DEUP1: variants seen among roughly 807,000 people sequenced by gnomAD.
DEUP1 encodes the protein coiled-coil domain containing 67.
A neutral mutation model predicts 87.4 loss-of-function variants in DEUP1; 82 were observed. The observed-to-expected ratio is 0.94, with a 90% confidence interval of 0.78 to 1.13. The LOEUF (loss-of-function observed/expected upper bound fraction) is 1.13. DEUP1 is among the 50% of genes most tolerant of loss of function. The pLI, the probability that DEUP1 is intolerant of heterozygous loss-of-function variation, is 0.00. For synonymous variants in DEUP1, 214 were observed against 222.7 expected (o/e 0.96, Z 0.35); for missense variants, 663 against 681.5 (o/e 0.97, Z 0.30).
intron 13 of DEUP1, among the ~76,000 whole-genome samples, chr11:93,420,235 C>T (rs1456372102): frequency 3.3e-5 from 5 of 152,118 alleles, no homozygotes; most frequent in Non-Finnish European, 7.4e-5. Context: ...TGGGCTTCAT[C>T]CCTGGGATGC....
At chr11:93,332,729 A>G (rs1943553326) in intron 2 of DEUP1, among the ~76,000 whole-genome samples, 1 of 152,254 alleles carries the variant, frequency 6.6e-6, no homozygotes, top group African/African-American at 2.4e-5. Context: ...ATCAAGAACT[A>G]GATATCTTAC....
intron 12 of DEUP1, among the ~76,000 whole-genome samples, chr11:93,410,472 T>C (rs1947403973): frequency 6.6e-6 from 1 of 152,290 alleles, no homozygotes; most frequent in African/African-American, 2.4e-5. Context: ...CTTTACAGAG[T>C]ACTTATGGAT....
chr11:93,431,982 A>G (rs1948120243), intron 13 of DEUP1, among the ~76,000 whole-genome samples: 1 of 152,250 alleles, frequency 6.6e-6, no homozygotes, highest in Non-Finnish European at 1.5e-5. Context: ...TAGACATTAA[A>G]TAGTCAATAG....
rs1307793220 is a variant in DEUP1, at chr11:93,415,801, T to C, written c.1638+687T>C. 2.0e-5 allele frequency among the ~76,000 whole-genome samples: 3 copies of C among 152,252 alleles called. No homozygotes were observed. The East Asian group carries it at 5.8e-4, about 29-fold the overall frequency. ...TAGATTGATCATCACCCATATTGTT[T>C]TATACAGCTGTAGTTTATTTTTGTT... On this transcript the variant is annotated intron_variant, in intron 13 of 13. Coordinates refer to ENST00000298050, the MANE Select transcript of DEUP1 (RefSeq NM_181645.4).
intron 7 of DEUP1, among the ~76,000 whole-genome samples, chr11:93,382,494 ACT>A (rs1471876774): frequency 5.3e-5 from 8 of 152,022 alleles, no homozygotes; most frequent in African/African-American, 1.9e-4. Context: ...TCCAAATTTC[ACT>A]CTTACAGATA....
At chr11:93,340,996 C>T (rs1360880607) in intron 2 of DEUP1, among the ~76,000 whole-genome samples, 1 of 152,092 alleles carries the variant, frequency 6.6e-6, no homozygotes. Flanking sequence ...ATCTGCCTTC[C>T]AAGAAGGAAG....
upstream of DEUP1, chr11:93,330,739 C>T (rs1943428261): frequency 6.6e-6 from 1 of 152,658 alleles, no homozygotes; most frequent in African/African-American, 2.4e-5. Flanking sequence ...GCGCCCTCGC[C>T]TCAGACCTCT....
intron 9 of DEUP1, among the ~76,000 whole-genome samples, chr11:93,391,328 A>T (rs1946759261): frequency 6.6e-6 from 1 of 152,166 alleles, no homozygotes; most frequent in Non-Finnish European, 1.5e-5. Context: ...GCAGTATAGT[A>T]TGTTGTGTTA....
rs1948302842 is a variant in DEUP1 at position 93,438,362 on chromosome 11, T to C, written c.*643T>C. The stretch of plus-strand genomic sequence containing the variant: ...ATTAACGCTTTTTTGTTAGTACTAA[T>C]TACTTCATGGACACAAACAAGATAA... On this transcript the variant is annotated 3_prime_UTR_variant, in exon 14 of 14. Transcript: ENST00000298050. 6.6e-6 allele frequency: 1 copy of C among 152,152 alleles called. No homozygotes were observed. Among genetic ancestry groups the C allele is most frequent in the Non-Finnish European group, 1.5e-5 (1 of 68,022 alleles). The allele number at this position is 152,152 out of a possible 1,614,324, so 9.4% of individuals were successfully genotyped here.
intron 10 of DEUP1, among the ~76,000 whole-genome samples, chr11:93,394,983 A>T (rs1946893670): frequency 6.6e-6 from 1 of 152,076 alleles, no homozygotes; most frequent in Non-Finnish European, 1.5e-5. Context: ...TTTCTCTTCC[A>T]TTAACATTTT....
chr11:93,416,051 C>A (rs894121956), intron 13 of DEUP1, among the ~76,000 whole-genome samples: 3 of 152,088 alleles, frequency 2.0e-5, no homozygotes, highest in Non-Finnish European at 4.4e-5. Flanking sequence ...TGAATATGGT[C>A]AGCTTTAGTA....
Position 93,415,036 on chromosome 11 carries a change from G to A in DEUP1, c.1560G>A (p.Met520Ile), listed in dbSNP as rs930535744. The A allele has an allele frequency of 3.1e-6, 5 of 1,599,684 alleles. No homozygotes were observed. The highest frequency in any genetic ancestry group is 1.4e-5 in the African/African-American group (1 of 73,828). Residue 520 changes from methionine (M) to isoleucine (I), a missense_variant, in exon 13 of 14, where the codon ATG becomes ATA. By Grantham distance (10) the Met-to-Ile change is conservative. Transcript: ENST00000298050. ...SHDCEPNRST[M>I]PPLPPSTFQA... is the part of the protein sequence containing the mutation. ...ACTGTGAGCCAAACAGAAGTACAATGCCTCCCTTGCCACCTTCGACATTTC... is the reference window on the plus strand; with the variant it reads ...ACTGTGAGCCAAACAGAAGTACAATACCTCCCTTGCCACCTTCGACATTTC...
upstream of DEUP1, chr11:93,330,624 T>C (rs922822872): frequency 2.0e-5 from 3 of 152,538 alleles, no homozygotes; most frequent in African/African-American, 7.3e-5. Context: ...CCCAACTGCC[T>C]CGTTGGTCGC....
At chr11:93,395,528 G>C (rs1946916414) in intron 10 of DEUP1, among the ~76,000 whole-genome samples, 2 of 152,114 alleles carry the variant, frequency 1.3e-5, no homozygotes, top group South Asian at 2.1e-4. Flanking sequence ...TGTATAGGCA[G>C]GGATATTTTA....
intron 2 of DEUP1, among the ~76,000 whole-genome samples, chr11:93,339,916 G>A (rs191562524): frequency 1.1e-4 from 16 of 152,304 alleles, no homozygotes; most frequent in African/African-American, 3.8e-4. Context: ...TGGCAGTAAT[G>A]AGGTGGCATT....
chr11:93,338,959 A>G (rs1052624425), intron 2 of DEUP1, among the ~76,000 whole-genome samples: 1 of 152,124 alleles, frequency 6.6e-6, no homozygotes, highest in African/African-American at 2.4e-5. Context: ...TGGAGAATGT[A>G]TGGGGAATGG....
At chr11:93,385,309 G>A (rs1369735767) in intron 7 of DEUP1, 89 bp from the exon 8 acceptor site, 3 of 1,189,310 alleles carry the variant, frequency 2.5e-6, no homozygotes, top group Admixed American at 4.7e-5. Context: ...TTAAAATTAG[G>A]CTGGTTTATA....
intron 13 of DEUP1, among the ~76,000 whole-genome samples, chr11:93,418,947 CTGCATATTCTCACTCATAG>C (rs1182792494): frequency 6.6e-6 from 1 of 151,162 alleles, no homozygotes; most frequent in Non-Finnish European, 1.5e-5. Flanking sequence ...AAACCAAACA[CTGCATATTCTCACTCATAG>C]GTGGGAATTG....
intron 12 of DEUP1, among the ~76,000 whole-genome samples, chr11:93,409,556 G>T (rs2134423272): frequency 6.6e-6 from 1 of 152,230 alleles, no homozygotes; most frequent in East Asian, 1.9e-4. Flanking sequence ...AGACATATTT[G>T]ATATCAATTT....
Sources: gnomAD v4.1 joint callset for allele counts (sites outside exome capture counted in the v4.1 genomes callset) on GRCh38, gnomAD v4.1.1 for gene constraint, MANE v1.5 for transcripts, NCBI Gene and HGNC (gene_info 2026-07-23, HGNC 2026-07-21) for gene names.